DCDC1: variants seen among roughly 807,000 people sequenced by gnomAD.
The protein encoded by DCDC1 is doublecortin domain-containing protein 1.
In DCDC1, 200 loss-of-function variants were observed where a neutral mutation model predicts 178.3. The observed-to-expected ratio is 1.12, with a 90% CI of 1.00 to 1.26. DCDC1 has a LOEUF of 1.26. Ranked by LOEUF, DCDC1 falls within the 50% of genes most tolerant of loss-of-function variation. The pLI, the probability that DCDC1 is intolerant of heterozygous loss-of-function variation, is 0.00. For synonymous variants in DCDC1, 690 were observed against 604.8 expected (o/e 1.14, Z -2.07); for missense variants, 1,983 against 1,749.2 (o/e 1.13, Z -2.38).
chr11:31,261,538 C>T (rs1038264443), intron 8 of DCDC1, among the ~76,000 whole-genome samples: 1 of 152,092 alleles, frequency 6.6e-6, no homozygotes, highest in Non-Finnish European at 1.5e-5. Flanking sequence ...AAAAACAATA[C>T]AGTGTAACAA....
chr11:31,174,401 C>T (rs547352867), intron 9 of DCDC1, among the ~76,000 whole-genome samples: 2 of 152,336 alleles, frequency 1.3e-5, no homozygotes, highest in East Asian at 3.9e-4. Context: ...GGACTTTGGG[C>T]ACCAACCAGC....
At chr11:30,915,030 A>G (rs1945736658) in intron 27 of DCDC1, among the ~76,000 whole-genome samples, 1 of 152,192 alleles carries the variant, frequency 6.6e-6, no homozygotes, top group South Asian at 2.1e-4. Context: ...ATATTTGCTA[A>G]GATAGGAATT....
intron 9 of DCDC1, among the ~76,000 whole-genome samples, chr11:31,230,887 T>A (rs1975679074): frequency 1.3e-5 from 2 of 151,742 alleles, no homozygotes; most frequent in Non-Finnish European, 2.9e-5. Flanking sequence ...CAGTTTTACA[T>A]CAATAATTAT....
chr11:31,192,705 T>C (rs1970262790), intron 9 of DCDC1, among the ~76,000 whole-genome samples: 1 of 152,140 alleles, frequency 6.6e-6, no homozygotes, highest in South Asian at 2.1e-4. Flanking sequence ...TGTTGCAGCA[T>C]ATTGAATGAT....
intron 6 of DCDC1, among the ~76,000 whole-genome samples, chr11:31,305,225 A>C (rs1011452255): frequency 3.3e-5 from 5 of 152,166 alleles, no homozygotes; most frequent in African/African-American, 1.2e-4. Context: ...CAAGAGTGTA[A>C]ATGAATAAAT....
chr11:31,161,044 T>A (rs1234385583), intron 9 of DCDC1, among the ~76,000 whole-genome samples: 2 of 152,188 alleles, frequency 1.3e-5, no homozygotes, highest in Non-Finnish European at 2.9e-5. Context: ...ATTGCAGGAA[T>A]TTTTTAAAAT....
intron 20 of DCDC1, among the ~76,000 whole-genome samples, chr11:30,994,372 A>T (rs1389675245): frequency 6.6e-6 from 1 of 151,700 alleles, no homozygotes; most frequent in Non-Finnish European, 1.5e-5. Flanking sequence ...ACTCACTGCA[A>T]CCTCTGCCTC....
At chr11:30,891,717 A>C (rs1943793736) in intron 36 of DCDC1, among the ~76,000 whole-genome samples, 1 of 152,202 alleles carries the variant, frequency 6.6e-6, no homozygotes, top group Non-Finnish European at 1.5e-5. Flanking sequence ...TACATGTATG[A>C]AGATCCTTTA....
chr11:30,957,290 T>G (rs1333342132), intron 20 of DCDC1, among the ~76,000 whole-genome samples: 1 of 152,220 alleles, frequency 6.6e-6, no homozygotes, highest in Non-Finnish European at 1.5e-5. Context: ...GTTATTGCCT[T>G]ATTTCTGTGT....
chr11:31,352,600 C>G (rs1207222515), intron 1 of DCDC1, among the ~76,000 whole-genome samples: 3 of 152,126 alleles, frequency 2.0e-5, no homozygotes, highest in African/African-American at 7.2e-5. Context: ...ATGTACAACT[C>G]AATCTCAAAA....
At chr11:31,204,273 G>C (rs979082434) in intron 9 of DCDC1, among the ~76,000 whole-genome samples, 8 of 152,092 alleles carry the variant, frequency 5.3e-5, no homozygotes, top group Non-Finnish European at 1.2e-4. Flanking sequence ...CATTAAGAAT[G>C]AGCTAAAATA....
At chr11:30,894,193 T>C in intron 35 of DCDC1, 55 bp downstream of exon 35, 2 of 1,576,114 alleles carry the variant, frequency 1.3e-6, no homozygotes, top group Non-Finnish European at 1.7e-6. Context: ...ATTGTACTTT[T>C]AAATACTCAT....
intron 37 of DCDC1, among the ~76,000 whole-genome samples, chr11:30,879,815 T>G (rs1398242886): frequency 6.6e-6 from 1 of 152,128 alleles, no homozygotes. Context: ...TGGATACCCT[T>G]TTGGCTAGCT....
chr11:31,213,298 T>G (rs924364915), intron 9 of DCDC1, among the ~76,000 whole-genome samples: 2 of 151,670 alleles, frequency 1.3e-5, no homozygotes, highest in African/African-American at 2.4e-5. Flanking sequence ...CTTTTCAAAT[T>G]TAGCCTTATC....
At chr11:31,276,624 G>A (rs573506902) in intron 7 of DCDC1, among the ~76,000 whole-genome samples, 1 of 152,182 alleles carries the variant, frequency 6.6e-6, no homozygotes, top group East Asian at 1.9e-4. Flanking sequence ...ATGTTAACCA[G>A]AAAATGCCAG....
intron 1 of DCDC1, among the ~76,000 whole-genome samples, chr11:31,355,517 T>C: frequency 6.6e-6 from 1 of 152,108 alleles, no homozygotes; most frequent in East Asian, 1.9e-4. Flanking sequence ...TTAGATATCT[T>C]AGAAAAAAAA....
intron 20 of DCDC1, chr11:30,992,663 G>A (rs1224772137): frequency 1.3e-5 from 2 of 152,194 alleles, no homozygotes; most frequent in African/African-American, 2.4e-5. Flanking sequence ...GAGAGGCCAT[G>A]ATGGTACTGA....
At chr11:30,981,059 G>A (rs1028808012) in intron 20 of DCDC1, among the ~76,000 whole-genome samples, 4 of 152,270 alleles carry the variant, frequency 2.6e-5, no homozygotes, top group Admixed American at 2.6e-4. Context: ...GGAGCTGGAG[G>A]TCATTAACCT....
intron 1 of DCDC1, among the ~76,000 whole-genome samples, chr11:31,336,850 C>A (rs755310367): frequency 3.9e-5 from 6 of 152,180 alleles, no homozygotes; most frequent in Non-Finnish European, 8.8e-5. Flanking sequence ...GTGTACCCTT[C>A]TTTTTCCTTC....
Sources: gnomAD v4.1 joint callset for allele counts (sites outside exome capture counted in the v4.1 genomes callset) on GRCh38, gnomAD v4.1.1 for gene constraint, MANE v1.5 for transcripts, NCBI Gene and HGNC (gene_info 2026-07-23, HGNC 2026-07-21) for gene names.